Variants in MYH7B observed in about 807,000 individuals in gnomAD.
The protein encoded by MYH7B is myosin heavy chain 7B.
Under a neutral mutation model 234.5 loss-of-function variants are expected in MYH7B, and 205 were observed. That is an observed-to-expected ratio of 0.87 (90% confidence interval 0.78 to 0.98). The LOEUF (loss-of-function observed/expected upper bound fraction) is 0.98. MYH7B is among the 50% of genes least tolerant of loss of function. MYH7B has a pLI of 0.00. For synonymous variants in MYH7B, 1,193 were observed against 1,105.0 expected (o/e 1.08, Z -1.58); for missense variants, 2,652 against 2,633.4 (o/e 1.01, Z -0.15).
chr20:35,001,958 C>A, exon 44 of MYH7B: 1 of 1,613,012 alleles, frequency 6.2e-7, no homozygotes, highest in Non-Finnish European at 8.5e-7. Context: ...GAGCAGCAGG[C>A]CAACACCAAC....
At chr20:34,970,416 G>A (rs1169335364) in intron 2 of MYH7B, among the ~76,000 whole-genome samples, 1 of 152,184 alleles carries the variant, frequency 6.6e-6, no homozygotes, top group African/African-American at 2.4e-5. Flanking sequence ...TAGTCACACC[G>A]CCTCTGAGCT....
At position 34,993,230 on chromosome 20, in the gene MYH7B, G is replaced by A. The variant is rs370871561; in HGVS notation, c.2307+5G>A. ...TACCAGTTTGGCCACACCAAGGTCG[G>A]GGCACTGTGGGATCAGGGCTGGCCA... On this transcript the variant is annotated splice_donor_5th_base_variant and intron_variant, in intron 25 of 44. Coordinates refer to ENST00000262873, the Ensembl canonical transcript of MYH7B. 4.5e-5 allele frequency: 72 copies of A among 1,613,820 alleles called. No individual in the cohort carries two copies. Among genetic ancestry groups the A allele is most frequent in the Non-Finnish European group, 6.1e-5 (72 of 1,179,944 alleles).
intron 7 of MYH7B, 63 bp downstream of exon 7, chr20:34,979,867 A>T: frequency 7.1e-7 from 1 of 1,408,676 alleles, no homozygotes; most frequent in African/African-American, 1.5e-5. Flanking sequence ...GCTAGAGATG[A>T]GGTGCTGGGG....
chr20:34,980,506 C>G (rs2081924985), intron 7 of MYH7B, 72 bp from the exon 8 acceptor site: 1 of 1,379,298 alleles, frequency 7.3e-7, no homozygotes, highest in Non-Finnish European at 1.0e-6. Context: ...CCGTTGTACT[C>G]CAGCCTGGGA....
chr20:34,990,109 G>A, exon 21 of MYH7B: 3 of 1,614,136 alleles, frequency 1.9e-6, no homozygotes, highest in Non-Finnish European at 2.5e-6. Flanking sequence ...ATAGGCTCCT[G>A]GCGACTCTCT....
chr20:34,987,704 G>A (rs2082056430), intron 17 of MYH7B, 29 bp downstream of exon 17: 1 of 1,612,040 alleles, frequency 6.2e-7, no homozygotes, highest in African/African-American at 1.3e-5. Flanking sequence ...AAACCCATGG[G>A]GGACAGCCGG....
At chr20:34,995,534 A>G (rs368138784) in exon 28 of MYH7B, 3 of 1,614,148 alleles carry the variant, frequency 1.9e-6, no homozygotes, top group Non-Finnish European at 2.5e-6. Flanking sequence ...CCTGGAGCTG[A>G]CACTGGCCAA....
exon 37 of MYH7B, chr20:34,999,641 G>C: frequency 1.2e-6 from 2 of 1,613,728 alleles, no homozygotes; most frequent in Admixed American, 1.7e-5. Context: ...AGAAAACCAA[G>C]AAGGCGCTGG....
intron 13 of MYH7B, 21 bp downstream of exon 13, chr20:34,985,150 C>T (rs199644945): frequency 5.7e-5 from 92 of 1,611,268 alleles, no homozygotes; most frequent in Admixed American, 3.3e-5. Flanking sequence ...CCCCTGCGGG[C>T]GGTGCAGGGG....
intron 2 of MYH7B, among the ~76,000 whole-genome samples, chr20:34,969,540 C>CT (rs770172832): frequency 0.027 from 3,455 of 126,736 alleles, 101 homozygotes; most frequent in African/African-American, 0.051. Flanking sequence ...TCTTCTGCTC[C>CT]TTTTTTTTTT....
intron 27 of MYH7B, 112 bp downstream of exon 27, chr20:34,994,513 C>T (rs570544204): frequency 1.2e-5 from 16 of 1,297,346 alleles, no homozygotes; most frequent in Non-Finnish European, 1.7e-5. Flanking sequence ...TCTCTCTGTT[C>T]CAAAGATGCC....
At chr20:34,967,253 C>T (rs1186156851) in intron 2 of MYH7B, among the ~76,000 whole-genome samples, 1 of 151,714 alleles carries the variant, frequency 6.6e-6, no homozygotes, top group Non-Finnish European at 1.5e-5. Context: ...AAATTTAAGG[C>T]CCAAAGCATT....
At chr20:34,968,891 C>T (rs1049244769) in intron 2 of MYH7B, among the ~76,000 whole-genome samples, 5 of 152,184 alleles carry the variant, frequency 3.3e-5, no homozygotes, top group East Asian at 1.9e-4. Context: ...GGGCTGGGGG[C>T]GGGACTGGGC....
rs35976778 is a variant in MYH7B at position 34,956,858 on chromosome 20, C to T, written c.-337+851C>T. Among the ~76,000 whole-genome samples, 51 of 152,242 alleles carry T rather than the reference C, an allele frequency of 3.3e-4. No homozygotes were observed. The East Asian group carries it at 9.5e-3, about 28-fold the overall frequency. ...TTACTTGAGCTCAGGAGTTGGAGAC[C>T]AGGCTGGGCAACATGGCGAAACCCC... On this transcript the variant is annotated intron_variant, in intron 1 of 44. Coordinates refer to ENST00000262873, the Ensembl canonical transcript of MYH7B.
At chr20:34,997,791 C>G (rs1394406412) in intron 32 of MYH7B, 151 bp downstream of exon 32, 7 of 999,382 alleles carry the variant, frequency 7.0e-6, no homozygotes, top group African/African-American at 1.6e-5. Flanking sequence ...TTCTCAGCCT[C>G]CTACCAGTCC....
chr20:34,980,789 G>A (rs2147175901), intron 8 of MYH7B, 55 bp downstream of exon 8: 1 of 1,595,340 alleles, frequency 6.3e-7, no homozygotes, highest in East Asian at 2.2e-5. Context: ...GGTCCCGGGA[G>A]GCCTCTGTAA....
chr20:34,986,275 C>CCAGG lies in MYH7B; in HGVS notation c.904+79_904+82dup, dbSNP rs2082021539. On this transcript the variant is annotated intron_variant, in intron 14 of 44. Transcript: ENST00000262873. The stretch of plus-strand genomic sequence containing the variant: ...CTGGCGCTTCCTGGCCCCCATCAGG[C>CCAGG]CAGGCCCTGGTGGTCTTTCCCTCCC... The CCAGG allele has an allele frequency of 2.5e-6, 3 of 1,182,688 alleles. No individual in the cohort carries two copies. The African/African-American group carries it at 4.5e-5, about 18-fold the overall frequency. 73.3% of individuals were successfully genotyped at this position (1,182,688 alleles called of 1,614,324 possible).
intron 2 of MYH7B, among the ~76,000 whole-genome samples, chr20:34,971,110 G>A (rs951195527): frequency 6.6e-6 from 1 of 152,128 alleles, no homozygotes; most frequent in Admixed American, 6.5e-5. Flanking sequence ...GCTCGGGGAG[G>A]CCTCAAGGTC....
intron 2 of MYH7B, among the ~76,000 whole-genome samples, chr20:34,959,379 T>C (rs909036023): frequency 4.6e-5 from 7 of 152,330 alleles, no homozygotes; most frequent in Admixed American, 4.6e-4. Context: ...TGATTTGCCC[T>C]GAGCCTCTGG....
Sources: gnomAD v4.1 joint callset for allele counts (sites outside exome capture counted in the v4.1 genomes callset) on GRCh38, gnomAD v4.1.1 for gene constraint, MANE v1.5 for transcripts, NCBI Gene and HGNC (gene_info 2026-07-23, HGNC 2026-07-21) for gene names.